POLD3: variants seen among roughly 807,000 people sequenced by gnomAD.
POLD3 encodes DNA polymerase delta 3, accessory subunit, also known as DNA polymerase delta subunit 3.
In POLD3, 19 loss-of-function variants were observed where a neutral mutation model predicts 58.2. That is an observed-to-expected ratio of 0.33 (90% CI 0.23 to 0.48). POLD3 has a LOEUF of 0.48. Ranked by LOEUF, POLD3 falls within the 20% of genes least tolerant of loss-of-function variation. The probability of loss-of-function intolerance (pLI) is 0.99; values close to 1 mark genes in which losing one functional copy is unlikely to be tolerated. For missense variants in POLD3, 504 were observed against 545.5 expected, an observed-to-expected ratio of 0.92 and a Z score of 0.76; for synonymous variants, 172 against 193.5, an observed-to-expected ratio of 0.89 and a Z score of 0.92.
chr11:74,617,259 G>A (rs919723137), intron 5 of POLD3, among the ~76,000 whole-genome samples: 1 of 152,138 alleles, frequency 6.6e-6, no homozygotes, highest in Non-Finnish European at 1.5e-5. Context: ...TGCCACACAA[G>A]CTGTTCCACC....
In POLD3 at chr11:74,625,389, T is replaced by G. The variant is rs1349270514; in HGVS notation, c.734-19T>G. 1 of 1,583,930 alleles carries G rather than the reference T, an allele frequency of 6.3e-7. No individual in the cohort carries two copies. Among genetic ancestry groups the G allele is most frequent in the Admixed American group, 1.8e-5 (1 of 56,024 alleles). ...TTGCATGATGGGGTCATATGTCGTC[T>G]GCTATACTTTATTTATAGATAAATT... is the stretch of plus-strand genomic sequence containing the variant. On this transcript the variant is annotated intron_variant, in intron 7 of 11. Transcript: ENST00000263681.
At chr11:74,652,081 A>G (rs2033075046) in intron 4 of POLD3, among the ~76,000 whole-genome samples, 1 of 152,200 alleles carries the variant, frequency 6.6e-6, no homozygotes, top group African/African-American at 2.4e-5. Flanking sequence ...ACTTTTCTCA[A>G]TACTATATCA....
rs1311432100 is a variant in POLD3, at chr11:74,668,744, A to G, written c.370-33A>G. ...TAATGGGAGAAAAGGGAAGATATAT[A>G]GAGTTTTCCTTTCTGTTGTGTTTTT... On this transcript the variant is annotated intron_variant, in intron 4 of 4. Transcript: ENST00000524752. The G allele has an allele frequency of 2.4e-6, 3 of 1,276,354 alleles. No homozygotes were observed. In the Admixed American group the frequency reaches 6.9e-5, roughly 29 times the overall value. 79.1% of individuals were successfully genotyped at this position (1,276,354 alleles called of 1,614,324 possible). A position where few individuals can be genotyped will look rare whatever the true frequency, so the allele number is the denominator to read the frequency against.
chr11:74,618,956 A>T (rs922594667), intron 6 of POLD3, 152 bp downstream of exon 6: 2 of 654,294 alleles, frequency 3.1e-6, no homozygotes, highest in African/African-American at 1.8e-5. Context: ...AATACTTGAT[A>T]TTGTTATCTG....
intron 9 of POLD3, among the ~76,000 whole-genome samples, chr11:74,629,593 T>C (rs2032532553): frequency 6.6e-6 from 1 of 151,844 alleles, no homozygotes; most frequent in African/African-American, 2.4e-5. Context: ...TTTCTTTTTT[T>C]TTTTTACTTT....
intron 2 of POLD3, among the ~76,000 whole-genome samples, chr11:74,599,676 T>A (rs1325397138): frequency 6.6e-6 from 1 of 152,072 alleles, no homozygotes; most frequent in East Asian, 1.9e-4. Context: ...ACTGTTTTTT[T>A]TTAGCATTAT....
chr11:74,667,593 T>TAAAAAAAAAAA (rs1565137722), intron 4 of POLD3, among the ~76,000 whole-genome samples: 1 of 151,086 alleles, frequency 6.6e-6, no homozygotes, highest in African/African-American at 2.5e-5. Context: ...AAATAAAATT[T>TAAAAAAAAAAA]AAAAATTTAG....
intron 4 of POLD3, among the ~76,000 whole-genome samples, chr11:74,666,262 A>T (rs760169436): frequency 6.6e-6 from 1 of 152,224 alleles, no homozygotes; most frequent in African/African-American, 2.4e-5. Flanking sequence ...TCACACCTCT[A>T]ATCCCAGCTT....
At chr11:74,609,364 ATATATATATTTTTTTTTTTTT>A (rs1172011892) in intron 3 of POLD3, among the ~76,000 whole-genome samples, 2 of 43,154 alleles carry the variant, frequency 4.6e-5, no homozygotes, top group African/African-American at 3.4e-4. Context: ...ATATATATAT[ATATATATATTTTTTTTTTTTT>A]TTTTTTTTTT....
chr11:74,617,282 T>C (rs931240503), intron 5 of POLD3, among the ~76,000 whole-genome samples: 1 of 152,266 alleles, frequency 6.6e-6, no homozygotes, highest in South Asian at 2.1e-4. Context: ...TTTTCTTCTC[T>C]TGGCCTTGGG....
exon 5 of POLD3, chr11:74,668,845 T>C (rs2033305406): frequency 8.1e-7 from 1 of 1,239,296 alleles, no homozygotes; most frequent in Non-Finnish European, 1.1e-6. Flanking sequence ...CATCCAGCGG[T>C]TGGAGAGGTA....
At chr11:74,635,637 C>T (rs995144814) in intron 10 of POLD3, among the ~76,000 whole-genome samples, 4 of 152,154 alleles carry the variant, frequency 2.6e-5, no homozygotes, top group Admixed American at 6.5e-5. Flanking sequence ...GTTATGATTG[C>T]ACTTCTGCAT....
At position 74,635,842 on chromosome 11, in the gene POLD3, G is replaced by A. The variant is rs142255373; in HGVS notation, c.1120-355G>A. On this transcript the variant is annotated intron_variant, in intron 10 of 11. Transcript: ENST00000263681. ...TCAGCCCTCACTACACTGTATTGCA[G>A]TGGTCTGCTTTCCTTCTCTCTCTCC... Among the ~76,000 whole-genome samples the A allele has an allele frequency of 6.1e-3, 934 of 152,342 alleles. 3 individuals are homozygous for A. Among genetic ancestry groups the A allele is most frequent in the Middle Eastern group, 0.014 (4 of 294 alleles).
In POLD3 at chr11:74,606,512, A is replaced by G. The variant is rs116546781; in HGVS notation, c.219+1718A>G. On this transcript the variant is annotated intron_variant, in intron 3 of 11. Coordinates refer to ENST00000263681, the MANE Select transcript of POLD3 (RefSeq NM_006591.3). ...CTTTTTTTGGTCATTGATCCCCTTG[A>G]GAATCTGAAAGAAAAATGCATATGT... Among the ~76,000 whole-genome samples the G allele has an allele frequency of 9.2e-3, 1,396 of 152,322 alleles. 19 individuals carry two copies. The highest frequency in any genetic ancestry group is 0.032 in the African/African-American group (1,326 of 41,560).
chr11:74,648,251 A>G (rs931392531), intron 4 of POLD3, among the ~76,000 whole-genome samples: 1 of 152,196 alleles, frequency 6.6e-6, no homozygotes, highest in Non-Finnish European at 1.5e-5. Flanking sequence ...TTGTATCTCC[A>G]CTTAAGGAAA....
At chr11:74,653,333 A>ACACACACACACACACATG (rs58331480) in intron 4 of POLD3, among the ~76,000 whole-genome samples, 1 of 151,692 alleles carries the variant, frequency 6.6e-6, no homozygotes, top group Non-Finnish European at 1.5e-5. Flanking sequence ...ACACACACAC[A>ACACACACACACACACATG]TAGTGTGGTC....
intron 4 of POLD3, among the ~76,000 whole-genome samples, chr11:74,659,576 C>G (rs908211356): frequency 6.6e-6 from 1 of 152,114 alleles, no homozygotes; most frequent in Non-Finnish European, 1.5e-5. Flanking sequence ...CACCCAAGTC[C>G]CCTCTTGAAT....
At chr11:74,609,006 T>C (rs1316481037) in intron 3 of POLD3, among the ~76,000 whole-genome samples, 1 of 152,204 alleles carries the variant, frequency 6.6e-6, no homozygotes, top group South Asian at 2.1e-4. Flanking sequence ...TTTTATGTTG[T>C]GAATTTTGGT....
rs546493025 is a variant in POLD3 at position 74,639,458 on chromosome 11, T to C, written c.1199-1106T>C. On this transcript the variant is annotated intron_variant, in intron 11 of 11. Coordinates refer to ENST00000263681, the MANE Select transcript of POLD3 (RefSeq NM_006591.3). Reference sequence around the variant, plus strand: ...ACTTTAATCATTTGAGCATTTATTATGCATATTAGGTTACGCTTTTCAGCT... The same window carrying C: ...ACTTTAATCATTTGAGCATTTATTACGCATATTAGGTTACGCTTTTCAGCT... Among the ~76,000 whole-genome samples the C allele has an allele frequency of 3.3e-5, 5 of 152,376 alleles. No homozygotes were observed. In the East Asian group the frequency reaches 9.6e-4, roughly 29 times the overall value.
Sources: allele counts gnomAD v4.1 joint callset (sites outside exome capture counted in the v4.1 genomes callset), GRCh38; gene constraint gnomAD v4.1.1; transcripts MANE v1.5; gene names NCBI Gene and HGNC (gene_info 2026-07-23, HGNC 2026-07-21).